KIN: variants seen among roughly 807,000 people sequenced by gnomAD.
KIN encodes the protein Kin17 DNA and RNA binding protein.
In KIN, 47 loss-of-function variants were observed where a neutral mutation model predicts 63.0. The observed-to-expected ratio is 0.75, with a 90% CI of 0.59 to 0.95. The LOEUF (loss-of-function observed/expected upper bound fraction) is 0.95, where lower values mean the gene tolerates loss of function less well. KIN is among the 40% of genes least tolerant of loss of function. The pLI is 0.00. For synonymous variants in KIN, 160 were observed against 157.7 expected, an observed-to-expected ratio of 1.01 and a Z score of -0.11; for missense variants, 408 against 460.9, an observed-to-expected ratio of 0.89 and a Z score of 1.05.
chr10:7,778,716 G>C, intron 5 of KIN, 122 bp downstream of exon 5: 1 of 1,007,472 alleles, frequency 9.9e-7, no homozygotes, highest in Non-Finnish European at 1.5e-6. Flanking sequence ...TCCAGCCTGG[G>C]CGGCAGAGCA....
rs1274403061 is a variant in KIN, at chr10:7,755,058, G to A, written c.*1022C>T. On this transcript the variant is annotated 3_prime_UTR_variant, in exon 13 of 13. Transcript: ENST00000379562. ...AGCCTGGGCAACACAGTGAGACCAT[G>A]TCTCTAAAAGTAAAAAAATTAAAAA... The A allele has an allele frequency of 2.6e-5, 4 of 152,188 alleles. No homozygotes were observed. Among genetic ancestry groups the A allele is most frequent in the Non-Finnish European group, 4.4e-5 (3 of 68,046 alleles). 9.4% of individuals were successfully genotyped at this position (152,188 alleles called of 1,614,324 possible).
intron 1 of KIN, among the ~76,000 whole-genome samples, chr10:7,784,968 G>C (rs1835969172): frequency 6.6e-6 from 1 of 152,096 alleles, no homozygotes; most frequent in African/African-American, 2.4e-5. Flanking sequence ...GAATACTATA[G>C]GCTGGGCATG....
chr10:7,774,664 A>T (rs1385492052), intron 7 of KIN, among the ~76,000 whole-genome samples, 167 bp downstream of exon 7: 3 of 142,612 alleles, frequency 2.1e-5, no homozygotes, highest in Non-Finnish European at 4.7e-5. Flanking sequence ...CCCATCTCTT[A>T]AAAAAAAAAA....
chr10:7,770,568 C>G (rs887415664), intron 7 of KIN, among the ~76,000 whole-genome samples: 1 of 151,906 alleles, frequency 6.6e-6, no homozygotes, highest in Non-Finnish European at 1.5e-5. Flanking sequence ...TACGACTCCT[C>G]TCTTGTAGTA....
In KIN at chr10:7,754,383, C is replaced by T. The variant is rs772894452; in HGVS notation, c.*1697G>A. 41 of 231,710 alleles carry T rather than the reference C, an allele frequency of 1.8e-4. No homozygotes were observed. Among genetic ancestry groups the T allele is most frequent in the East Asian group, 1.3e-4 (1 of 7,760 alleles). 14.4% of individuals were successfully genotyped at this position (231,710 alleles called of 1,614,324 possible). On this transcript the variant is annotated 3_prime_UTR_variant, in exon 13 of 13. Transcript: ENST00000379562. ...GGCGTAGTGGCTCATGCCTGTAATC[C>T]CAGCACTTTGGGAGGCTGAGGCGGG...
chr10:7,759,741 A>C (rs1835401429), intron 12 of KIN, 149 bp downstream of exon 12: 1 of 484,582 alleles, frequency 2.1e-6, no homozygotes, highest in Non-Finnish European at 3.6e-6. Flanking sequence ...TGGCAGAGTC[A>C]CTGGAGAAAA....
chr10:7,764,680 T>C (rs754847520), intron 9 of KIN, among the ~76,000 whole-genome samples: 12 of 152,238 alleles, frequency 7.9e-5, no homozygotes, highest in Non-Finnish European at 1.8e-4. Context: ...TAAGACTTTC[T>C]AAATGAAGCC....
Position 7,759,837 on chromosome 10 carries a change from T to C in KIN, c.1119+53A>G, listed in dbSNP as rs560691993. On this transcript the variant is annotated intron_variant, in intron 12 of 12. Coordinates refer to ENST00000379562, the MANE Select transcript of KIN (RefSeq NM_012311.4). ...AGAACAATCCAATTAAAAAAAACTA[T>C]GGCACATTTTTAAAGCATTTTGAAA... 1.0e-4 allele frequency: 90 copies of C among 892,304 alleles called. No individual in the cohort carries two copies. In the African/African-American group the frequency reaches 1.4e-3, roughly 14 times the overall value. The allele number at this position is 892,304 out of a possible 1,614,324, so 55.3% of individuals were successfully genotyped here.
At chr10:7,777,786 C>A (rs1328489866) in intron 5 of KIN, among the ~76,000 whole-genome samples, 3 of 151,986 alleles carry the variant, frequency 2.0e-5, no homozygotes, top group African/African-American at 7.2e-5. Context: ...GTAGTCCCAG[C>A]TACTTGGGAG....
chr10:7,782,904 AT>A (rs1835926149), intron 2 of KIN, among the ~76,000 whole-genome samples, 176 bp downstream of exon 2: 1 of 152,184 alleles, frequency 6.6e-6, no homozygotes, highest in African/African-American at 2.4e-5. Flanking sequence ...GTGAGAAATA[AT>A]TTTGTAACAG....
chr10:7,769,038 A>G (rs1359839124), intron 8 of KIN, among the ~76,000 whole-genome samples, 178 bp downstream of exon 8: 1 of 152,106 alleles, frequency 6.6e-6, no homozygotes, highest in African/African-American at 2.4e-5. Context: ...AAACAAATAA[A>G]TAAATAAACC....
At chr10:7,781,021 C>T (rs1011449873) in intron 2 of KIN, among the ~76,000 whole-genome samples, 1 of 152,152 alleles carries the variant, frequency 6.6e-6, no homozygotes, top group Non-Finnish European at 1.5e-5. Flanking sequence ...GCTGGGTACA[C>T]CGTATTAAGT....
chr10:7,778,581 A>G (rs559973725), intron 5 of KIN, among the ~76,000 whole-genome samples: 1 of 152,130 alleles, frequency 6.6e-6, no homozygotes, highest in Non-Finnish European at 1.5e-5. Context: ...TCTACTAACA[A>G]TACAAAAATT....
intron 9 of KIN, among the ~76,000 whole-genome samples, chr10:7,764,497 C>G (rs1007852667): frequency 1.3e-5 from 2 of 152,124 alleles, no homozygotes; most frequent in Non-Finnish European, 2.9e-5. Flanking sequence ...TGCAGTGATT[C>G]TATATTTGCT....
At position 7,769,290 on chromosome 10, in the gene KIN, T is replaced by C; in HGVS notation, c.724A>G (p.Lys242Glu). The C allele has an allele frequency of 1.9e-6, 3 of 1,613,884 alleles. No homozygotes were observed. The highest frequency in any genetic ancestry group is 2.5e-6 in the Non-Finnish European group (3 of 1,179,836). ...TIGSSASVKR[K>E]ESSQSSTQSK... is the part of the protein sequence containing the mutation. ...TGAGTTGAGCTCTGGGAAGATTCTT[T>C]TCGTTTCACTGATGCTGAACTTCCT... The change falls in exon 8 of 13, where the codon AAA (lysine) becomes GAA (glutamate). Residue 242 changes from lysine to glutamate, a missense_variant. By Grantham distance (56) the Lys-to-Glu change is moderately conservative. Transcript: ENST00000379562.
intron 9 of KIN, among the ~76,000 whole-genome samples, chr10:7,764,988 C>T (rs927408986): frequency 6.6e-6 from 1 of 151,694 alleles, no homozygotes; most frequent in Admixed American, 6.6e-5. Flanking sequence ...GGAGAAACCC[C>T]GTCTCTACTA....
Position 7,783,187 on chromosome 10 carries a change from G to A in KIN, c.115-12C>T. 5 of 1,508,106 alleles carry A rather than the reference G, an allele frequency of 3.3e-6. No homozygotes were observed. Among genetic ancestry groups the A allele is most frequent in the Non-Finnish European group, 4.5e-6 (5 of 1,107,316 alleles). 93.4% of individuals were successfully genotyped at this position (1,508,106 alleles called of 1,614,324 possible). A position where few individuals can be genotyped will look rare whatever the true frequency, so the allele number is the denominator to read the frequency against. ...CACTTAAAGCCATTCTACAAAAAAT[G>A]TAAAAGCAATAAATTCTGATTTAGG... is the stretch of plus-strand genomic sequence containing the variant. On this transcript the variant is annotated splice_polypyrimidine_tract_variant and intron_variant, in intron 1 of 12. Coordinates refer to ENST00000379562, the MANE Select transcript of KIN (RefSeq NM_012311.4).
At chr10:7,763,887 G>T in intron 9 of KIN, 96 bp from the exon 10 acceptor site, 1 of 616,618 alleles carries the variant, frequency 1.6e-6, no homozygotes, top group Non-Finnish European at 2.8e-6. Flanking sequence ...AAAACCACAG[G>T]AAAATGTAAC....
Position 7,763,807 on chromosome 10 carries a change from A to C in KIN, c.850-16T>G. ...CAATAATTTCCTAGAAAATAATAAC[A>C]AAAAAAATGAAAGGAAAGACAGAAG... On this transcript the variant is annotated splice_polypyrimidine_tract_variant and intron_variant, in intron 9 of 12. Transcript: ENST00000379562. 2 of 1,119,268 alleles carry C rather than the reference A, an allele frequency of 1.8e-6. No homozygotes were observed. The highest frequency in any genetic ancestry group is 2.1e-5 in the Admixed American group (1 of 47,550). 69.3% of individuals were successfully genotyped at this position (1,119,268 alleles called of 1,614,324 possible).
Sources: allele counts gnomAD v4.1 joint callset (sites outside exome capture counted in the v4.1 genomes callset), GRCh38; gene constraint gnomAD v4.1.1; transcripts MANE v1.5; gene names NCBI Gene and HGNC (gene_info 2026-07-23, HGNC 2026-07-21).